SNAPC1: variants seen among roughly 807,000 people sequenced by gnomAD.
SNAPC1 encodes snRNA-activating protein complex subunit 1.
SNAPC1 carries 42 observed loss-of-function variants against 50.1 expected under a neutral mutation model. That is an observed-to-expected ratio of 0.84 (90% confidence interval 0.65 to 1.08). The LOEUF is 1.08. Ranked by LOEUF, SNAPC1 falls within the 50% of genes least tolerant of loss-of-function variation. SNAPC1 has a pLI of 0.00. For missense variants in SNAPC1, 477 were observed against 427.3 expected, an observed-to-expected ratio of 1.12 and a Z score of -1.02; for synonymous variants, 164 against 144.2, an observed-to-expected ratio of 1.14 and a Z score of -0.98.
At chr14:61,788,743 G>C (rs1283691191) in intron 8 of SNAPC1, among the ~76,000 whole-genome samples, 2 of 152,146 alleles carry the variant, frequency 1.3e-5, no homozygotes, top group Non-Finnish European at 2.9e-5. Flanking sequence ...TTTTCATAGA[G>C]CAATTTAGAA....
intron 4 of SNAPC1, among the ~76,000 whole-genome samples, chr14:61,773,079 T>C (rs2045005350): frequency 6.6e-6 from 1 of 152,250 alleles, no homozygotes; most frequent in Non-Finnish European, 1.5e-5. Flanking sequence ...CTGCAACTGC[T>C]ATTAAGTCTT....
chr14:61,776,930 G>C (rs1363759455), intron 5 of SNAPC1, among the ~76,000 whole-genome samples: 1 of 152,194 alleles, frequency 6.6e-6, no homozygotes, highest in Non-Finnish European at 1.5e-5. Flanking sequence ...TTTCCAGCTA[G>C]AGAAACTTTT....
chr14:61,775,330 A>G (rs1410199835), intron 4 of SNAPC1, among the ~76,000 whole-genome samples: 1 of 150,624 alleles, frequency 6.6e-6, no homozygotes, highest in East Asian at 1.9e-4. Flanking sequence ...ATCTTGGCTC[A>G]CTGCAACCTC....
In SNAPC1 at chr14:61,776,227, C is replaced by G. The variant is rs1257620734; in HGVS notation, c.667C>G (p.His223Asp). ...CAATATTAAGAACATAGTTTTGGAG[C>G]ATCAGCAGTGGCACAAAGACAGAAA... The part of the protein sequence containing the change: ...FDNIKNIVLE[H>D]QQWHKDRKNP... The change falls in exon 5 of 10, where the codon CAT becomes GAT. Residue 223 changes from histidine (H) to aspartate (D), a missense_variant. Coordinates refer to ENST00000216294, the MANE Select transcript of SNAPC1 (RefSeq NM_003082.4). 2 of 1,612,526 alleles carry G rather than the reference C, an allele frequency of 1.2e-6. No individual in the cohort carries two copies. The highest frequency in any genetic ancestry group is 2.2e-5 in the South Asian group (2 of 90,758).
intron 7 of SNAPC1, among the ~76,000 whole-genome samples, chr14:61,781,185 C>T (rs369127485): frequency 2.0e-5 from 3 of 152,068 alleles, no homozygotes; most frequent in Admixed American, 6.5e-5. Context: ...TGCGGTGGCT[C>T]ATGCCTGTAA....
At chr14:61,762,626 C>T (rs765745256) in intron 1 of SNAPC1, 38 bp downstream of exon 1, 3 of 1,610,606 alleles carry the variant, frequency 1.9e-6, no homozygotes, top group South Asian at 1.1e-5. Context: ...TCTCCCTGCC[C>T]GCAGGTGGTG....
chr14:61,784,987 G>A (rs986509902), intron 8 of SNAPC1, among the ~76,000 whole-genome samples: 3 of 152,148 alleles, frequency 2.0e-5, no homozygotes, highest in Non-Finnish European at 4.4e-5. Context: ...CAAAAATTTA[G>A]GGAGGTAAGG....
At chr14:61,778,033 A>G (rs779104570) in intron 5 of SNAPC1, 39 bp from the exon 6 acceptor site, 1 of 911,596 alleles carries the variant, frequency 1.1e-6, no homozygotes, top group South Asian at 1.8e-5. Context: ...GTAAATTTGT[A>G]TGTGTGTATG....
At chr14:61,787,491 C>T (rs1281969049) in intron 8 of SNAPC1, among the ~76,000 whole-genome samples, 1 of 151,636 alleles carries the variant, frequency 6.6e-6, no homozygotes, top group African/African-American at 2.4e-5. Context: ...CCTAGAATCA[C>T]GGCAGATTCA....
At chr14:61,776,451 A>G (rs1201077429) in intron 5 of SNAPC1, among the ~76,000 whole-genome samples, 198 bp downstream of exon 5, 1 of 151,130 alleles carries the variant, frequency 6.6e-6, no homozygotes, top group East Asian at 1.9e-4. Context: ...TGGAGTATAT[A>G]TGTATTTTCT....
In SNAPC1 at chr14:61,782,320, A is replaced by C. The variant is rs1011432544; in HGVS notation, c.899A>C (p.Gln300Pro). The C allele has an allele frequency of 1.9e-6, 3 of 1,613,296 alleles. No homozygotes were observed. Among genetic ancestry groups the C allele is most frequent in the Non-Finnish European group, 2.5e-6 (3 of 1,179,536 alleles). ...SDSDSASGQG[Q>P]VKATRKKEKK... ...TCTGATTCTGCATCTGGTCAAGGGC[A>C]AGTCAAAGCAACTAGGAAAAAAGAG... The change falls in exon 8 of 10, where the codon CAA becomes CCA. Residue 300 changes from glutamine to proline, a missense_variant. By Grantham distance (76) the Gln-to-Pro change is moderately conservative. Transcript: ENST00000216294.
At chr14:61,794,076 C>T (rs1351114587) in intron 9 of SNAPC1, among the ~76,000 whole-genome samples, 1 of 152,096 alleles carries the variant, frequency 6.6e-6, no homozygotes, top group Non-Finnish European at 1.5e-5. Context: ...GACAATTATT[C>T]GAGTGTTGGT....
At chr14:61,787,104 A>G (rs888287200) in intron 8 of SNAPC1, among the ~76,000 whole-genome samples, 1 of 152,232 alleles carries the variant, frequency 6.6e-6, no homozygotes, top group African/African-American at 2.4e-5. Flanking sequence ...GGGACAGAAA[A>G]CATATATTTG....
At chr14:61,767,157 T>C in intron 2 of SNAPC1, 55 bp from the exon 3 acceptor site, 13 of 1,274,584 alleles carry the variant, frequency 1.0e-5, no homozygotes, top group Non-Finnish European at 1.1e-5. Context: ...AATTATAATA[T>C]GTTTGTGAAA....
At chr14:61,776,942 T>A (rs1425897336) in intron 5 of SNAPC1, among the ~76,000 whole-genome samples, 1 of 152,242 alleles carries the variant, frequency 6.6e-6, no homozygotes, top group Non-Finnish European at 1.5e-5. Flanking sequence ...GAAACTTTTT[T>A]TACCCTGGAA....
intron 4 of SNAPC1, among the ~76,000 whole-genome samples, chr14:61,769,970 G>A (rs1171439309): frequency 2.6e-5 from 4 of 152,234 alleles, no homozygotes; most frequent in South Asian, 4.2e-4. Context: ...CACTTTGGTC[G>A]TGCTTTTAAA....
intron 8 of SNAPC1, among the ~76,000 whole-genome samples, chr14:61,791,295 C>T (rs2045150821): frequency 6.6e-6 from 1 of 152,140 alleles, no homozygotes; most frequent in African/African-American, 2.4e-5. Context: ...CAGGCATGAG[C>T]CACCACCCCC....
Position 61,776,134 on chromosome 14 carries a change from CAT to C in SNAPC1, c.575_576del (p.His192ArgfsTer5). 6.2e-7 allele frequency: 1 copy of C among 1,605,576 alleles called. No individual in the cohort carries two copies. The highest frequency in any genetic ancestry group is 8.5e-7 in the Non-Finnish European group (1 of 1,178,120). ...NVHDHYQNMK[H>X]VISVDKSKPD... ...TCATGATCATTATCAGAACATGAAA[CAT>C]GTAATTTCAGTTGATAAGTCCAAGC... On this transcript the variant is annotated frameshift_variant, in exon 5 of 10. Transcript: ENST00000216294. LOFTEE classifies it high-confidence loss of function.
intron 8 of SNAPC1, 124 bp downstream of exon 8, chr14:61,782,521 T>G (rs939686559): frequency 3.0e-6 from 2 of 658,644 alleles, no homozygotes; most frequent in African/African-American, 1.8e-5. Context: ...TTTGTGAGAT[T>G]TAATATTAAA....
Sources: allele counts gnomAD v4.1 joint callset (sites outside exome capture counted in the v4.1 genomes callset), GRCh38; gene constraint gnomAD v4.1.1; transcripts MANE v1.5; gene names NCBI Gene and HGNC (gene_info 2026-07-23, HGNC 2026-07-21).